The following SNX4 variants were observed in gnomAD, a reference collection of about 807,000 sequenced individuals.
SNX4 encodes sorting nexin 4.
SNX4 carries 49 observed loss-of-function variants against 70.8 expected under a neutral mutation model. The observed-to-expected ratio is 0.69, with a 90% CI of 0.55 to 0.88. The LOEUF (loss-of-function observed/expected upper bound fraction) is 0.88, where lower values mean the gene tolerates loss of function less well. SNX4 is among the 40% of genes least tolerant of loss of function. SNX4 has a pLI of 0.00. For missense variants in SNX4, 528 were observed against 544.8 expected, an observed-to-expected ratio of 0.97 and a Z score of 0.31; for synonymous variants, 206 against 183.8, an observed-to-expected ratio of 1.12 and a Z score of -0.98.
At position 125,469,007 on chromosome 3, in the gene SNX4, G is replaced by A. The variant is rs76406820; in HGVS notation, c.854+447C>T. Among the ~76,000 whole-genome samples the A allele has an allele frequency of 3.4e-3, 522 of 152,118 alleles. 4 individuals are homozygous for A. Among genetic ancestry groups the A allele is most frequent in the African/African-American group, 0.012 (494 of 41,500 alleles). The stretch of plus-strand genomic sequence containing the variant: ...TTTAATTTTCTTGTCTCACCATATT[G>A]AGTAGGACCTCCAGTACAATGTTTA... On this transcript the variant is annotated intron_variant, in intron 9 of 13. Transcript: ENST00000251775.
At chr3:125,510,012 T>C (rs980819122) in intron 1 of SNX4, among the ~76,000 whole-genome samples, 2 of 152,098 alleles carry the variant, frequency 1.3e-5, no homozygotes, top group Non-Finnish European at 2.9e-5. Flanking sequence ...TTGGCGGGAA[T>C]GTAAAATGGT....
At chr3:125,517,741 T>C (rs1273948961) in intron 1 of SNX4, among the ~76,000 whole-genome samples, 2 of 152,176 alleles carry the variant, frequency 1.3e-5, no homozygotes, top group Non-Finnish European at 2.9e-5. Context: ...TTTAGGAGGC[T>C]GAGGCAGGCG....
chr3:125,447,549 ACT>A lies in SNX4; in HGVS notation c.*228_*229del. The A allele has an allele frequency of 2.6e-6, 1 of 382,696 alleles. No homozygotes were observed. The highest frequency in any genetic ancestry group is 4.6e-6 in the Non-Finnish European group (1 of 218,960). The allele number at this position is 382,696 out of a possible 1,614,324, so 23.7% of individuals were successfully genotyped here. A position where few individuals can be genotyped will look rare whatever the true frequency, so the allele number is the denominator to read the frequency against. ...TCTGTTGGTATATATTATTAAATTAACTTTTTGGAATCAGCACCAGTCCCCAA... is the reference window on the plus strand; with the variant it reads ...TCTGTTGGTATATATTATTAAATTAATTTTGGAATCAGCACCAGTCCCCAA... On this transcript the variant is annotated 3_prime_UTR_variant, in exon 14 of 14. Coordinates refer to ENST00000251775, the MANE Select transcript of SNX4 (RefSeq NM_003794.4).
In SNX4 at chr3:125,490,044, G is replaced by A. The variant is rs1452648661; in HGVS notation, c.598-581C>T. 5.9e-5 allele frequency among the ~76,000 whole-genome samples: 9 copies of A among 152,032 alleles called. No individual in the cohort carries two copies. In the East Asian group the frequency reaches 9.7e-4, roughly 16 times the overall value. On this transcript the variant is annotated intron_variant, in intron 5 of 13. Transcript: ENST00000251775. ...CTCGGGAGTCTGAGGCAGGAGAGTC[G>A]CTTGAACCTGGGAGGCGGAGGTTGC...
intron 10 of SNX4, among the ~76,000 whole-genome samples, chr3:125,458,365 G>A (rs1482574271): frequency 6.6e-6 from 1 of 151,494 alleles, no homozygotes; most frequent in Non-Finnish European, 1.5e-5. Context: ...ATGGGGTCTC[G>A]CCCATGTTGC....
chr3:125,457,177 A>C, intron 11 of SNX4, 89 bp downstream of exon 11: 1 of 860,382 alleles, frequency 1.2e-6, no homozygotes. Flanking sequence ...CTGATTCTAC[A>C]GGAGTGAGTT....
At chr3:125,450,421 T>G (rs765514668) in intron 13 of SNX4, among the ~76,000 whole-genome samples, 34 of 152,230 alleles carry the variant, frequency 2.2e-4, no homozygotes, top group African/African-American at 6.8e-4. Context: ...AATAAAATTT[T>G]GGGACAAACT....
chr3:125,497,358 T>C lies in SNX4; in HGVS notation c.580A>G (p.Thr194Ala). The C allele has an allele frequency of 6.2e-7, 1 of 1,609,040 alleles. No individual in the cohort carries two copies. The highest frequency in any genetic ancestry group is 1.7e-5 in the Admixed American group (1 of 59,692). The change falls in exon 5 of 14, where the codon ACT (threonine) becomes GCT (alanine). Residue 194 changes from threonine (T) to alanine (A), a missense_variant. This residue lies in a region of SNX4 where 341 missense variants were observed against 312.2 expected (regional missense o/e 1.09). Transcript: ENST00000251775. ...ATTCTTACCTTCAGCTGAAACCCAG[T>C]TTCATTCACAGTCTCCTTCCAGTTA... ...EGNWKETVNETGFQLKADSRL... is the reference protein window; with the variant it reads ...EGNWKETVNEAGFQLKADSRL...
chr3:125,458,814 C>CAAAAAAAAAAAA lies in SNX4; in HGVS notation c.945-1461_945-1450dup, dbSNP rs71148180. Among the ~76,000 whole-genome samples the CAAAAAAAAAAAA allele has an allele frequency of 4.6e-4, 30 of 64,528 alleles. 1 individual carries two copies. The highest frequency in any genetic ancestry group is 1.6e-3 in the African/African-American group (26 of 15,866). 42.3% of individuals were successfully genotyped at this position (64,528 alleles called of 152,430 possible). A position where few individuals can be genotyped will look rare whatever the true frequency, so the allele number is the denominator to read the frequency against. ...TGGGTGAAAGAGCGAGACTCCGTCT[C>CAAAAAAAAAAAA]AAAAAAAAAAAAAAAAAAAAAAAAA... On this transcript the variant is annotated intron_variant, in intron 10 of 13. Coordinates refer to ENST00000251775, the MANE Select transcript of SNX4 (RefSeq NM_003794.4).
At chr3:125,478,593 A>G (rs957558617) in intron 7 of SNX4, among the ~76,000 whole-genome samples, 2 of 152,104 alleles carry the variant, frequency 1.3e-5, no homozygotes, top group African/African-American at 4.8e-5. Context: ...TTAGCATTCC[A>G]GAGAATATAT....
chr3:125,471,237 G>T (rs948630395), intron 8 of SNX4, among the ~76,000 whole-genome samples: 29 of 150,992 alleles, frequency 1.9e-4, no homozygotes. Flanking sequence ...CCAGCTACTC[G>T]AGAGGCTGAG....
intron 1 of SNX4, among the ~76,000 whole-genome samples, chr3:125,508,951 C>A (rs1236365044): frequency 6.6e-6 from 1 of 152,126 alleles, no homozygotes; most frequent in African/African-American, 2.4e-5. Flanking sequence ...ACCATGGTTT[C>A]TTGGATATGA....
chr3:125,498,222 AT>A (rs1320471115), intron 2 of SNX4, 28 bp from the exon 3 acceptor site: 1 of 1,590,410 alleles, frequency 6.3e-7, no homozygotes. Flanking sequence ...AACACTTGTT[AT>A]TTTTTATAAA....
At chr3:125,460,025 C>T (rs955527277) in intron 10 of SNX4, among the ~76,000 whole-genome samples, 2 of 151,876 alleles carry the variant, frequency 1.3e-5, no homozygotes, top group African/African-American at 4.8e-5. Context: ...GAAACCCTGT[C>T]TCTACTAAAA....
chr3:125,487,935 C>T (rs1000993937), intron 6 of SNX4, among the ~76,000 whole-genome samples: 1 of 151,894 alleles, frequency 6.6e-6, no homozygotes, highest in African/African-American at 2.4e-5. Context: ...AACTGCCCAA[C>T]ACCAAGTGTG....
intron 7 of SNX4, among the ~76,000 whole-genome samples, chr3:125,477,281 T>C (rs1934308818): frequency 6.6e-6 from 1 of 152,206 alleles, no homozygotes; most frequent in African/African-American, 2.4e-5. Context: ...GTTTTATATA[T>C]AAATGCTGAA....
At chr3:125,481,855 T>C (rs1222933880) in intron 6 of SNX4, among the ~76,000 whole-genome samples, 2 of 152,176 alleles carry the variant, frequency 1.3e-5, no homozygotes, top group Admixed American at 1.3e-4. Flanking sequence ...AGGATTCACA[T>C]GCTGGTAGTC....
intron 10 of SNX4, among the ~76,000 whole-genome samples, chr3:125,458,577 G>A (rs1933785626): frequency 6.6e-6 from 1 of 152,076 alleles, no homozygotes; most frequent in African/African-American, 2.4e-5. Flanking sequence ...AGCACTTTGG[G>A]AGGCCGAGGC....
intron 1 of SNX4, among the ~76,000 whole-genome samples, chr3:125,518,284 C>A (rs1247829184): frequency 6.6e-6 from 1 of 151,674 alleles, no homozygotes; most frequent in Non-Finnish European, 1.5e-5. Flanking sequence ...CACAGAGATA[C>A]CTCATCTTTA....
Sources: gnomAD v4.1 joint callset for allele counts (sites outside exome capture counted in the v4.1 genomes callset) on GRCh38, gnomAD v4.1.1 for gene constraint, gnomAD v4.1.1 regional missense constraint, MANE v1.5 for transcripts, NCBI Gene and HGNC (gene_info 2026-07-23, HGNC 2026-07-21) for gene names.